The following KIAA1328 variants were observed in gnomAD, a reference collection of about 807,000 sequenced individuals.
KIAA1328 encodes protein hinderin.
KIAA1328 carries 52 observed loss-of-function variants against 68.1 expected under a neutral mutation model. The observed-to-expected ratio is 0.76, with a 90% CI of 0.61 to 0.96. The LOEUF (loss-of-function observed/expected upper bound fraction) is 0.96, where lower values mean the gene tolerates loss of function less well. Among genes scored for constraint, KIAA1328 ranks in the 40% least tolerant of loss-of-function variants. The pLI, the probability that KIAA1328 is intolerant of heterozygous loss-of-function variation, is 0.00. For synonymous variants in KIAA1328, 232 were observed against 239.4 expected (o/e 0.97, Z 0.28); for missense variants, 641 against 677.6 (o/e 0.95, Z 0.60).
Position 36,998,125 on chromosome 18 carries a change from C to G in KIAA1328, c.576+38690C>G, listed in dbSNP as rs572056726. Among the ~76,000 whole-genome samples, 5 of 152,274 alleles carry G rather than the reference C, an allele frequency of 3.3e-5. No homozygotes were observed. In the South Asian group the frequency reaches 8.3e-4, roughly 25 times the overall value. ...TTGGAGAGCCTGAGTATAAGCCCAC[C>G]CAGCTCAACTTTGCGTCCCCCTCCA... On this transcript the variant is annotated intron_variant, in intron 6 of 9. Transcript: ENST00000280020.
intron 6 of KIAA1328, among the ~76,000 whole-genome samples, chr18:36,989,884 C>T (rs1475116919): frequency 1.3e-5 from 2 of 151,934 alleles, no homozygotes; most frequent in African/African-American, 2.4e-5. Flanking sequence ...TTAGTAGAGA[C>T]GAGGTTTCAC....
At chr18:36,983,446 C>T (rs2052778117) in intron 6 of KIAA1328, among the ~76,000 whole-genome samples, 1 of 151,882 alleles carries the variant, frequency 6.6e-6, no homozygotes, top group South Asian at 2.1e-4. Context: ...CCAACTAATC[C>T]ACAATTATAC....
At chr18:37,124,404 C>T (rs1037705526) in intron 7 of KIAA1328, among the ~76,000 whole-genome samples, 3 of 151,796 alleles carry the variant, frequency 2.0e-5, no homozygotes, top group Non-Finnish European at 2.9e-5. Flanking sequence ...GTCATCCCTC[C>T]GTTATCATGA....
chr18:36,835,884 A>T (rs562610141), intron 3 of KIAA1328, among the ~76,000 whole-genome samples: 13 of 152,232 alleles, frequency 8.5e-5, no homozygotes, highest in Middle Eastern at 6.8e-3. Context: ...GTTCAATACC[A>T]CTTCACACTC....
intron 5 of KIAA1328, among the ~76,000 whole-genome samples, chr18:36,905,081 ATATT>A (rs55910118): frequency 0.19 from 26,837 of 142,158 alleles, 2,650 homozygotes; most frequent in Middle Eastern, 0.27. Flanking sequence ...TTGTAAGGAG[ATATT>A]TATTTATTTA....
chr18:37,169,203 T>G (rs2059449810), intron 8 of KIAA1328, among the ~76,000 whole-genome samples: 1 of 151,388 alleles, frequency 6.6e-6, no homozygotes, highest in Non-Finnish European at 1.5e-5. Flanking sequence ...TCTGGCACTG[T>G]CGCCCGGGCT....
intron 9 of KIAA1328, among the ~76,000 whole-genome samples, chr18:37,207,622 C>T (rs1479859074): frequency 2.0e-5 from 3 of 152,216 alleles, no homozygotes; most frequent in East Asian, 3.9e-4. Flanking sequence ...GTATGAGGGT[C>T]CAGAGTCCCT....
chr18:37,014,826 T>A (rs2054095308), intron 6 of KIAA1328, among the ~76,000 whole-genome samples: 1 of 152,226 alleles, frequency 6.6e-6, no homozygotes, highest in Non-Finnish European at 1.5e-5. Flanking sequence ...CCAAACCGTA[T>A]CAAATTCAGA....
chr18:37,016,182 A>G (rs528209501), intron 6 of KIAA1328, among the ~76,000 whole-genome samples: 1 of 152,056 alleles, frequency 6.6e-6, no homozygotes, highest in Non-Finnish European at 1.5e-5. Context: ...TTTAATGCCT[A>G]GTTACTTTAG....
chr18:36,842,793 T>G (rs983563899), intron 3 of KIAA1328, among the ~76,000 whole-genome samples: 1 of 152,050 alleles, frequency 6.6e-6, no homozygotes, highest in Non-Finnish European at 1.5e-5. Flanking sequence ...ATCCATTGCC[T>G]TCTTCCCCCA....
At chr18:36,938,110 T>C (rs946518257) in intron 5 of KIAA1328, among the ~76,000 whole-genome samples, 1 of 152,210 alleles carries the variant, frequency 6.6e-6, no homozygotes, top group Non-Finnish European at 1.5e-5. Context: ...CCTTTGGGTA[T>C]ATACCCAGAA....
At chr18:37,161,651 G>A (rs575344455) in intron 8 of KIAA1328, among the ~76,000 whole-genome samples, 3 of 152,162 alleles carry the variant, frequency 2.0e-5, no homozygotes, top group Non-Finnish European at 4.4e-5. Flanking sequence ...TCTTACCTCA[G>A]CTTCCTCTGT....
intron 7 of KIAA1328, among the ~76,000 whole-genome samples, chr18:37,095,275 T>A (rs982400275): frequency 3.3e-5 from 5 of 152,186 alleles, no homozygotes; most frequent in African/African-American, 1.2e-4. Context: ...AACTACAGAA[T>A]ATGCATTCTT....
chr18:37,069,858 CTGCT>C (rs1234339192), intron 7 of KIAA1328, among the ~76,000 whole-genome samples: 2 of 151,764 alleles, frequency 1.3e-5, no homozygotes, highest in Admixed American at 1.3e-4. Flanking sequence ...TTTCTTCCTT[CTGCT>C]TGCTTTAAAT....
chr18:37,158,885 T>A (rs2059214864), intron 7 of KIAA1328, among the ~76,000 whole-genome samples: 1 of 152,100 alleles, frequency 6.6e-6, no homozygotes, highest in African/African-American at 2.4e-5. Flanking sequence ...AGTCACTGGA[T>A]TTGCCTGGGT....
intron 6 of KIAA1328, among the ~76,000 whole-genome samples, chr18:37,030,674 C>A (rs187316384): frequency 2.1e-4 from 32 of 152,048 alleles, no homozygotes; most frequent in Non-Finnish European, 4.4e-4. Flanking sequence ...CAATATTTTT[C>A]TTTCTTTTTA....
In KIAA1328 at chr18:37,125,260, C is replaced by T. The variant is rs554701784; in HGVS notation, c.1233-34940C>T. 2.0e-5 allele frequency among the ~76,000 whole-genome samples: 3 copies of T among 152,194 alleles called. No individual in the cohort carries two copies. In the East Asian group the frequency reaches 5.8e-4, roughly 29 times the overall value. On this transcript the variant is annotated intron_variant, in intron 7 of 9. Coordinates refer to ENST00000280020, the MANE Select transcript of KIAA1328 (RefSeq NM_020776.3). ...AGCTGAACCTGGGAAGTCAAGGCTG[C>T]AGTGAGCCATGATTGCACCATTGCA...
At position 36,890,341 on chromosome 18, in the gene KIAA1328, A is replaced by C. The variant is rs193260675; in HGVS notation, c.448+4669A>C. Among the ~76,000 whole-genome samples, 95 of 152,082 alleles carry C rather than the reference A, an allele frequency of 6.2e-4. No individual in the cohort carries two copies. The East Asian group carries it at 0.014, about 22-fold the overall frequency. ...TATGTAAAAGTAATAACCAGTCAGAAGATAAAATGGCAGAAAAAGAAGTTT... is the reference window on the plus strand; with the variant it reads ...TATGTAAAAGTAATAACCAGTCAGACGATAAAATGGCAGAAAAAGAAGTTT... On this transcript the variant is annotated intron_variant, in intron 5 of 9. Coordinates refer to ENST00000280020, the MANE Select transcript of KIAA1328 (RefSeq NM_020776.3).
intron 5 of KIAA1328, among the ~76,000 whole-genome samples, chr18:36,887,298 G>A (rs1008070069): frequency 6.6e-6 from 1 of 152,046 alleles, no homozygotes; most frequent in African/African-American, 2.4e-5. Flanking sequence ...TAGTACTCCA[G>A]GTCCTAGCAT....
Sources: allele counts gnomAD v4.1 joint callset (sites outside exome capture counted in the v4.1 genomes callset), GRCh38; gene constraint gnomAD v4.1.1; transcripts MANE v1.5; gene names NCBI Gene and HGNC (gene_info 2026-07-23, HGNC 2026-07-21).